The following TSGA10 variants were observed in gnomAD, a reference collection of about 807,000 sequenced individuals.
TSGA10 encodes the protein testis-specific gene 10 protein.
In TSGA10, 43 loss-of-function variants were observed where a neutral mutation model predicts 96.6. The ratio of observed to expected loss-of-function variants is 0.44; its 90% CI spans 0.35 to 0.57. The LOEUF (loss-of-function observed/expected upper bound fraction) is 0.57, where lower values mean the gene tolerates loss of function less well. Among genes scored for constraint, TSGA10 ranks in the 20% least tolerant of loss-of-function variants. TSGA10 has a pLI of 0.01. For missense variants in TSGA10, 703 were observed against 834.4 expected (o/e 0.84, Z 1.94); for synonymous variants, 229 against 269.9 (o/e 0.85, Z 1.48).
chr2:99,026,872 C>T (rs1167212416), intron 17 of TSGA10, among the ~76,000 whole-genome samples: 3 of 152,154 alleles, frequency 2.0e-5, no homozygotes, highest in African/African-American at 7.2e-5. Flanking sequence ...ACCTTTTTGT[C>T]ACCAGGAACT....
intron 10 of TSGA10, among the ~76,000 whole-genome samples, chr2:99,103,537 T>G (rs540206496): frequency 1.3e-5 from 2 of 152,330 alleles, no homozygotes; most frequent in African/African-American, 4.8e-5. Context: ...TGCTCCTATT[T>G]CTCTGTTACG....
intron 18 of TSGA10, among the ~76,000 whole-genome samples, chr2:99,019,382 C>T (rs1036744394): frequency 5.3e-5 from 8 of 152,134 alleles, no homozygotes; most frequent in African/African-American, 1.9e-4. Flanking sequence ...GGTAGATTTC[C>T]ACCTACCATC....
intron 17 of TSGA10, among the ~76,000 whole-genome samples, chr2:99,029,035 A>C (rs752981591): frequency 1.3e-5 from 2 of 152,216 alleles, no homozygotes; most frequent in Admixed American, 6.5e-5. Context: ...ATGCAAAAGA[A>C]CACAAAAATC....
intron 1 of TSGA10, among the ~76,000 whole-genome samples, chr2:99,129,255 T>C (rs2092961484): frequency 6.6e-6 from 1 of 152,240 alleles, no homozygotes; most frequent in Non-Finnish European, 1.5e-5. Flanking sequence ...TTTCTGGATG[T>C]CTTCCTCACA....
chr2:99,071,744 G>T lies in TSGA10; in HGVS notation c.1069C>A (p.Leu357Ile). ...RDILAHDNDNLQEQFAKAKQE... is the reference protein window; with the variant it reads ...RDILAHDNDNIQEQFAKAKQE... ...TTAGCTTTAGCAAACTGTTCCTGGA[G>T]ATTGTCATTGTCATGAGCCAAGATA... The change falls in exon 14 of 21, where the codon CTC becomes ATC. Residue 357 changes from leucine (L) to isoleucine (I), a missense_variant. Physicochemically the swap from Leu to Ile is conservative, Grantham distance 5. This residue lies in a region of TSGA10 where 585 missense variants were observed against 656.8 expected (regional missense o/e 0.89). Coordinates refer to ENST00000393483, the MANE Select transcript of TSGA10 (RefSeq NM_025244.4). 1 of 1,613,890 alleles carries T rather than the reference G, an allele frequency of 6.2e-7. No homozygotes were observed. The highest frequency in any genetic ancestry group is 1.1e-5 in the South Asian group (1 of 91,054).
At chr2:99,074,175 G>A (rs2086376539) in intron 12 of TSGA10, among the ~76,000 whole-genome samples, 1 of 151,744 alleles carries the variant, frequency 6.6e-6, no homozygotes, top group Admixed American at 6.6e-5. Flanking sequence ...ACCATGCCCA[G>A]CTAATTTTTT....
At chr2:99,029,614 C>A (rs982662757) in intron 17 of TSGA10, among the ~76,000 whole-genome samples, 1 of 152,098 alleles carries the variant, frequency 6.6e-6, no homozygotes, top group African/African-American at 2.4e-5. Context: ...TTAATGTGAT[C>A]TATCATATTA....
At position 99,064,893 on chromosome 2, in the gene TSGA10, T is replaced by C. The variant is rs752756318; in HGVS notation, c.1404+46A>G. 1.0e-5 allele frequency: 15 copies of C among 1,472,676 alleles called. No homozygotes were observed. In the African/African-American group the frequency reaches 2.1e-4, roughly 21 times the overall value. 91.2% of individuals were successfully genotyped at this position (1,472,676 alleles called of 1,614,324 possible). A position where few individuals can be genotyped will look rare whatever the true frequency, so the allele number is the denominator to read the frequency against. Reference sequence around the variant, plus strand: ...TATGGAAGGCCAAACAAAACTCTTTTAAATATGATGCAGGATGTATTATAA... The same window carrying C: ...TATGGAAGGCCAAACAAAACTCTTTCAAATATGATGCAGGATGTATTATAA... On this transcript the variant is annotated intron_variant, in intron 16 of 20. Coordinates refer to ENST00000393483, the MANE Select transcript of TSGA10 (RefSeq NM_025244.4).
At chr2:99,119,263 T>A (rs1168295348) in intron 2 of TSGA10, among the ~76,000 whole-genome samples, 1 of 152,184 alleles carries the variant, frequency 6.6e-6, no homozygotes, top group African/African-American at 2.4e-5. Flanking sequence ...CCAAGAGGCA[T>A]AATTAAAGTC....
chr2:99,080,351 C>A (rs373559242), intron 11 of TSGA10, among the ~76,000 whole-genome samples: 10 of 152,258 alleles, frequency 6.6e-5, no homozygotes, highest in African/African-American at 2.4e-4. Flanking sequence ...TCTGGTCTTC[C>A]AAAATAACAC....
At position 99,018,292 on chromosome 2, in the gene TSGA10, CAT is replaced by C. The variant is rs1400063105; in HGVS notation, c.1978_1979del (p.Met660GlufsTer22). 3.1e-6 allele frequency: 5 copies of C among 1,614,120 alleles called. No homozygotes were observed. The highest frequency in any genetic ancestry group is 4.2e-6 in the Non-Finnish European group (5 of 1,180,012). The stretch of plus-strand genomic sequence containing the variant: ...TTGTATTTGGCTTCATTGTAGAACT[CAT>C]ATGATAAGCATTACTTGAATAATTT... ...RQNYSSNAYH[M>X]SSTMKPNTKC... On this transcript the variant is annotated frameshift_variant, in exon 20 of 21. Coordinates refer to ENST00000393483, the MANE Select transcript of TSGA10 (RefSeq NM_025244.4). LOFTEE classifies it high-confidence loss of function.
chr2:99,115,547 A>C (rs185715176), intron 4 of TSGA10, among the ~76,000 whole-genome samples: 2 of 152,218 alleles, frequency 1.3e-5, no homozygotes, highest in South Asian at 2.1e-4. Flanking sequence ...TGGTTAAAGA[A>C]GACTGTATCC....
At chr2:99,069,065 T>C (rs908025568) in intron 14 of TSGA10, 67 bp from the exon 15 acceptor site, 1 of 742,606 alleles carries the variant, frequency 1.3e-6, no homozygotes, top group Non-Finnish European at 2.0e-6. Flanking sequence ...AAAAATACCA[T>C]AAACAAATTT....
At chr2:99,085,080 C>G (rs1473365123) in intron 10 of TSGA10, among the ~76,000 whole-genome samples, 1 of 151,550 alleles carries the variant, frequency 6.6e-6, no homozygotes, top group Non-Finnish European at 1.5e-5. Context: ...AACCCTGTCT[C>G]TACTAAAAAT....
intron 1 of TSGA10, among the ~76,000 whole-genome samples, chr2:99,135,342 T>A (rs1351135278): frequency 6.6e-6 from 1 of 152,154 alleles, no homozygotes; most frequent in Non-Finnish European, 1.5e-5. Context: ...TGTGGTGAGC[T>A]CCACCCAGTT....
At chr2:99,072,492 A>G (rs890150015) in intron 13 of TSGA10, among the ~76,000 whole-genome samples, 2 of 152,088 alleles carry the variant, frequency 1.3e-5, no homozygotes, top group Admixed American at 1.3e-4. Context: ...CCTGGCCAGA[A>G]ACTTGGCATT....
intron 2 of TSGA10, among the ~76,000 whole-genome samples, chr2:99,121,168 C>T (rs1465542838): frequency 6.6e-6 from 1 of 152,090 alleles, no homozygotes; most frequent in Non-Finnish European, 1.5e-5. Context: ...TTTCCTTTCT[C>T]TGGAATAAAT....
chr2:99,073,125 G>T, intron 12 of TSGA10, 52 bp from the exon 13 acceptor site: 1 of 1,257,266 alleles, frequency 8.0e-7, no homozygotes, highest in Non-Finnish European at 1.1e-6. Context: ...TGTTATTTCT[G>T]TTAAAATTGA....
chr2:99,078,342 G>A (rs749285916), intron 12 of TSGA10, among the ~76,000 whole-genome samples: 3 of 147,884 alleles, frequency 2.0e-5, no homozygotes, highest in Non-Finnish European at 4.5e-5. Flanking sequence ...CTGAAAATAT[G>A]CTTTTAAGAA....
Sources: allele counts gnomAD v4.1 joint callset (sites outside exome capture counted in the v4.1 genomes callset), GRCh38; gene constraint gnomAD v4.1.1; regional missense constraint gnomAD v4.1.1; transcripts MANE v1.5; gene names NCBI Gene and HGNC (gene_info 2026-07-23, HGNC 2026-07-21).